ATP9B: variants seen among roughly 807,000 people sequenced by gnomAD.
ATP9B encodes the protein ATPase phospholipid transporting 9B.
Under a neutral mutation model 146.1 loss-of-function variants are expected in ATP9B, and 110 were observed. The ratio of observed to expected loss-of-function variants is 0.75; its 90% CI spans 0.65 to 0.88. The LOEUF (loss-of-function observed/expected upper bound fraction) is 0.88, where lower values mean the gene tolerates loss of function less well. Ranked by LOEUF, ATP9B falls within the 40% of genes least tolerant of loss-of-function variation. The pLI is 0.00. For missense variants in ATP9B, 1,499 were observed against 1,496.4 expected, an observed-to-expected ratio of 1.00 and a Z score of -0.03; for synonymous variants, 604 against 569.7, an observed-to-expected ratio of 1.06 and a Z score of -0.86.
chr18:79,305,968 A>G (rs1055751485), intron 14 of ATP9B, among the ~76,000 whole-genome samples: 1 of 152,242 alleles, frequency 6.6e-6, no homozygotes, highest in Non-Finnish European at 1.5e-5. Flanking sequence ...AAATTGTACA[A>G]GCATCACTAA....
Position 79,376,214 on chromosome 18 carries a change from C to CAAAAAA in ATP9B, c.3307+792_3307+793insAAAAAA, listed in dbSNP as rs67414221. 7,110 of 877,540 alleles carry CAAAAAA rather than the reference C, an allele frequency of 8.1e-3. 213 individuals carry two copies. The highest frequency in any genetic ancestry group is 8.7e-3 in the Non-Finnish European group (6,520 of 748,114). 54.4% of individuals were successfully genotyped at this position (877,540 alleles called of 1,614,324 possible). A position where few individuals can be genotyped will look rare whatever the true frequency, so the allele number is the denominator to read the frequency against. ...ACACACACACACACACACACACACA[C>CAAAAAA]AAAACAAAACAAAAAAATGGCTAGC... On this transcript the variant is annotated intron_variant, in intron 29 of 29. Coordinates refer to ENST00000426216, the MANE Select transcript of ATP9B (RefSeq NM_198531.5).
intron 9 of ATP9B, 84 bp from the exon 10 acceptor site, chr18:79,206,853 C>G (rs149861710): frequency 7.8e-7 from 1 of 1,278,776 alleles, no homozygotes; most frequent in Admixed American, 1.9e-5. Flanking sequence ...GCTTGTGGAC[C>G]TGTTTCTAAT....
At chr18:79,089,764 G>C (rs1404408640) in intron 1 of ATP9B, among the ~76,000 whole-genome samples, 1 of 152,154 alleles carries the variant, frequency 6.6e-6, no homozygotes, top group Non-Finnish European at 1.5e-5. Flanking sequence ...ATTTCTTTGT[G>C]TTAGGAACTT....
chr18:79,172,663 T>C (rs1351232576), intron 7 of ATP9B, among the ~76,000 whole-genome samples: 1 of 152,286 alleles, frequency 6.6e-6, no homozygotes, highest in East Asian at 1.9e-4. Context: ...TTTTTCTGCT[T>C]AGCACAACAC....
intron 11 of ATP9B, among the ~76,000 whole-genome samples, chr18:79,222,599 G>A (rs1297944986): frequency 6.6e-6 from 1 of 152,172 alleles, no homozygotes; most frequent in Admixed American, 6.5e-5. Flanking sequence ...ATGAAGATAA[G>A]AATAAATCCT....
At chr18:79,327,320 G>A (rs2096753094) in intron 15 of ATP9B, among the ~76,000 whole-genome samples, 2 of 152,190 alleles carry the variant, frequency 1.3e-5, no homozygotes, top group South Asian at 4.1e-4. Context: ...GGCTGTGAGG[G>A]GCTTCAGCAC....
At chr18:79,329,521 C>G (rs902898914) in intron 16 of ATP9B, among the ~76,000 whole-genome samples, 1 of 151,892 alleles carries the variant, frequency 6.6e-6, no homozygotes, top group African/African-American at 2.4e-5. Context: ...CTAAGTCAAC[C>G]TAGCCAGAAT....
chr18:79,164,073 C>G (rs1234360372), intron 7 of ATP9B, among the ~76,000 whole-genome samples: 1 of 152,072 alleles, frequency 6.6e-6, no homozygotes, highest in Non-Finnish European at 1.5e-5. Context: ...TGCTTGCTAC[C>G]ATGCCCCACT....
At chr18:79,084,537 TA>T (rs11311887) in intron 1 of ATP9B, among the ~76,000 whole-genome samples, 6,643 of 136,868 alleles carry the variant, frequency 0.049, 332 homozygotes, top group African/African-American at 0.14. Flanking sequence ...AGAGTAAAAG[TA>T]AAAAAAAAAA....
At chr18:79,332,159 G>A (rs2096793569) in intron 17 of ATP9B, among the ~76,000 whole-genome samples, 1 of 152,194 alleles carries the variant, frequency 6.6e-6, no homozygotes, top group Non-Finnish European at 1.5e-5. Context: ...GCTGGGTACG[G>A]TGGCTTACGC....
chr18:79,278,846 A>C (rs2096344056), intron 13 of ATP9B, among the ~76,000 whole-genome samples: 1 of 152,160 alleles, frequency 6.6e-6, no homozygotes, highest in Non-Finnish European at 1.5e-5. Flanking sequence ...ATGTTTAAAG[A>C]ATAAATAAAT....
Position 79,126,359 on chromosome 18 carries a change from C to G in ATP9B, c.651C>G (p.Ser217Arg). The change falls in exon 5 of 30, where the codon AGC becomes AGG. Residue 217 changes from serine to arginine, a missense_variant. Transcript: ENST00000426216. The part of the protein sequence containing the change: ...RDKEVNSQLY[S>R]KLTVRGKVQV... The stretch of plus-strand genomic sequence containing the variant: ...AGGAAGTGAATTCACAACTATATAG[C>G]AAGCTTACAGTAAGAGGTCAGCAAG... 4 of 1,610,196 alleles carry G rather than the reference C, an allele frequency of 2.5e-6. No homozygotes were observed. Among genetic ancestry groups the G allele is most frequent in the Non-Finnish European group, 3.4e-6 (4 of 1,177,454 alleles).
At chr18:79,317,531 G>A (rs1055216434) in intron 15 of ATP9B, among the ~76,000 whole-genome samples, 5 of 152,092 alleles carry the variant, frequency 3.3e-5, no homozygotes, top group Non-Finnish European at 5.9e-5. Context: ...AATATTGACT[G>A]TAAAATACCA....
At chr18:79,294,320 G>T (rs1023928539) in intron 13 of ATP9B, among the ~76,000 whole-genome samples, 2 of 152,190 alleles carry the variant, frequency 1.3e-5, no homozygotes, top group Non-Finnish European at 2.9e-5. Flanking sequence ...CCTAGGAATC[G>T]ATTGTGGGTG....
At chr18:79,224,520 G>GT (rs1487151382) in intron 11 of ATP9B, among the ~76,000 whole-genome samples, 1 of 152,180 alleles carries the variant, frequency 6.6e-6, no homozygotes, top group African/African-American at 2.4e-5. Context: ...AGGGTCTGGG[G>GT]TTCATGGACA....
intron 4 of ATP9B, chr18:79,117,444 A>G (rs1411210071): frequency 6.6e-6 from 1 of 152,312 alleles, no homozygotes; most frequent in Non-Finnish European, 1.5e-5. Context: ...GTGAGGTGAC[A>G]TTGGAATGAC....
At chr18:79,301,994 A>G (rs888251460) in intron 13 of ATP9B, among the ~76,000 whole-genome samples, 1 of 152,206 alleles carries the variant, frequency 6.6e-6, no homozygotes, top group African/African-American at 2.4e-5. Context: ...TTGTGCTCTA[A>G]TCCTCACGCA....
chr18:79,290,111 G>GCTGCGTGCTGGGAGAACCA (rs1382888643), intron 13 of ATP9B, among the ~76,000 whole-genome samples: 3 of 152,160 alleles, frequency 2.0e-5, no homozygotes, highest in African/African-American at 2.4e-5. Context: ...CAGATCTCCA[G>GCTGCGTGCTGGGAGAACCA]CTGCGTGCTG....
At position 79,100,669 on chromosome 18, in the gene ATP9B, G is replaced by C. The variant is rs142461132; in HGVS notation, c.293+4020G>C. ...AATAGTATAGAGGGGTCCTGTATTA[G>C]TTCATTTTCACACTGCTAATAAAGA... is the stretch of plus-strand genomic sequence containing the variant. On this transcript the variant is annotated intron_variant, in intron 2 of 29. Transcript: ENST00000426216. 3.7e-3 allele frequency among the ~76,000 whole-genome samples: 568 copies of C among 152,248 alleles called. 3 individuals carry two copies. The highest frequency in any genetic ancestry group is 0.013 in the African/African-American group (545 of 41,546).
Sources: allele counts gnomAD v4.1 joint callset (sites outside exome capture counted in the v4.1 genomes callset), GRCh38; gene constraint gnomAD v4.1.1; transcripts MANE v1.5; gene names NCBI Gene and HGNC (gene_info 2026-07-23, HGNC 2026-07-21).